The following ALPK1 variants were observed in gnomAD, a reference collection of about 807,000 sequenced individuals.
The protein encoded by ALPK1 is alpha kinase 1, also known as alpha-protein kinase 1.
A neutral mutation model predicts 120.6 loss-of-function variants in ALPK1; 110 were observed. The ratio of observed to expected loss-of-function variants is 0.91; its 90% CI spans 0.78 to 1.07. The LOEUF is 1.07. Ranked by LOEUF, ALPK1 falls within the 50% of genes least tolerant of loss-of-function variation. ALPK1 has a pLI of 0.00. For missense variants in ALPK1, 1,498 were observed against 1,483.9 expected (o/e 1.01, Z -0.16); for synonymous variants, 582 against 560.3 (o/e 1.04, Z -0.55).
chr4:112,331,721 G>A lies in ALPK1; in HGVS notation c.-101+15869G>A, dbSNP rs192585507. 7.2e-5 allele frequency among the ~76,000 whole-genome samples: 11 copies of A among 152,316 alleles called. No homozygotes were observed. The East Asian group carries it at 2.1e-3, about 29-fold the overall frequency. ...TGTATATGTGGGTCTAAGGAGATGTGGCATCACAGCAAGACTAGAAGGAGA... is the reference window on the plus strand; with the variant it reads ...TGTATATGTGGGTCTAAGGAGATGTAGCATCACAGCAAGACTAGAAGGAGA... On this transcript the variant is annotated intron_variant, in intron 2 of 15. Coordinates refer to ENST00000650871, the MANE Select transcript of ALPK1 (RefSeq NM_025144.4).
intron 3 of ALPK1, among the ~76,000 whole-genome samples, 159 bp downstream of exon 3, chr4:112,378,057 G>A (rs1731746929): frequency 6.6e-6 from 1 of 151,776 alleles, no homozygotes; most frequent in Admixed American, 6.6e-5. Flanking sequence ...GACATGGGCT[G>A]CGGGCGGACG....
intron 2 of ALPK1, among the ~76,000 whole-genome samples, chr4:112,340,730 T>G (rs766553976): frequency 1.5e-4 from 23 of 152,264 alleles, no homozygotes; most frequent in Non-Finnish European, 2.8e-4. Context: ...AAATGCTACA[T>G]CTTCATAATT....
intron 2 of ALPK1, among the ~76,000 whole-genome samples, chr4:112,347,986 G>T (rs932230538): frequency 2.6e-5 from 4 of 152,078 alleles, no homozygotes; most frequent in African/African-American, 9.7e-5. Flanking sequence ...GTCTCAGATC[G>T]CCATCCTCCT....
intron 4 of ALPK1, chr4:112,384,752 G>A (rs1016093452): frequency 6.6e-6 from 1 of 152,314 alleles, no homozygotes; most frequent in Non-Finnish European, 1.5e-5. Flanking sequence ...GGGAAGGGCA[G>A]AGAGACTGAA....
chr4:112,433,998 G>A (rs1734686192), intron 11 of ALPK1, among the ~76,000 whole-genome samples: 1 of 152,076 alleles, frequency 6.6e-6, no homozygotes, highest in Non-Finnish European at 1.5e-5. Flanking sequence ...TGTTTTGCCT[G>A]CCACCTTGAA....
chr4:112,413,915 T>C (rs754090211), intron 5 of ALPK1, among the ~76,000 whole-genome samples: 20 of 152,224 alleles, frequency 1.3e-4, no homozygotes, highest in Non-Finnish European at 2.4e-4. Flanking sequence ...TGGTTGGGAT[T>C]GTCTTTTCCT....
rs1731967057 is a variant in ALPK1 at position 112,382,482 on chromosome 4, A to G, written c.206A>G (p.Lys69Arg). The change falls in exon 4 of 16, where the codon AAA becomes AGA. Residue 69 changes from lysine (K) to arginine (R), a missense_variant. Coordinates refer to ENST00000650871, the MANE Select transcript of ALPK1 (RefSeq NM_025144.4). The part of the protein sequence containing the change: ...WPFVPEKWQY[K>R]QAVGPEDKTN... The stretch of plus-strand genomic sequence containing the variant: ...TTCGTGCCTGAAAAGTGGCAGTACA[A>G]ACAAGCCGTGGGCCCAGAGGACAAA... The G allele has an allele frequency of 6.2e-7, 1 of 1,613,982 alleles. No homozygotes were observed. Among genetic ancestry groups the G allele is most frequent in the South Asian group, 1.1e-5 (1 of 91,086 alleles).
intron 1 of ALPK1, among the ~76,000 whole-genome samples, chr4:112,311,015 G>T (rs909242980): frequency 6.6e-6 from 1 of 152,142 alleles, no homozygotes; most frequent in African/African-American, 2.4e-5. Flanking sequence ...ATCAGGGAAA[G>T]GTGACTTGCA....
intron 2 of ALPK1, among the ~76,000 whole-genome samples, chr4:112,349,958 G>GTCC (rs146856415): frequency 0.013 from 1,993 of 152,240 alleles, 51 homozygotes; most frequent in African/African-American, 0.045. Context: ...CTATTACAGT[G>GTCC]TCCTAGTAGC....
At chr4:112,356,669 A>C (rs77479920) in intron 2 of ALPK1, 2 of 931,172 alleles carry the variant, frequency 2.1e-6, no homozygotes, top group Non-Finnish European at 3.5e-6. Context: ...TGTAGAAGAG[A>C]AAAGCCTGGA....
At chr4:112,334,573 A>C (rs1729530163) in intron 2 of ALPK1, among the ~76,000 whole-genome samples, 1 of 152,162 alleles carries the variant, frequency 6.6e-6, no homozygotes, top group African/African-American at 2.4e-5. Flanking sequence ...TACTATGGGG[A>C]TATCAAATTT....
In ALPK1 at chr4:112,431,170, T is replaced by C. The variant is rs1391380467; in HGVS notation, c.1623T>C (p.His541=). 6.2e-7 allele frequency: 1 copy of C among 1,614,184 alleles called. No individual in the cohort carries two copies. Among genetic ancestry groups the C allele is most frequent in the Admixed American group, 1.7e-5 (1 of 60,028 alleles). Residue 541 remains histidine, a synonymous_variant, in exon 11 of 16, where the codon CAT becomes CAC. Coordinates refer to ENST00000650871, the MANE Select transcript of ALPK1 (RefSeq NM_025144.4). Reference sequence around the variant, plus strand: ...GGGGAGGAAGGAGAAACTGGACCCATTCTGATGCATTTCGAGTCTCCTTGG... The same window carrying C: ...GGGGAGGAAGGAGAAACTGGACCCACTCTGATGCATTTCGAGTCTCCTTGG... ...LRRGGRRNWT[H]SDAFRVSLDQ... is the part of the protein sequence containing the mutation.
chr4:112,356,464 C>A, intron 2 of ALPK1: 1 of 949,714 alleles, frequency 1.1e-6, no homozygotes. Flanking sequence ...ATCATTTACG[C>A]CTTTAGGACC....
chr4:112,397,626 A>G (rs1398723246), intron 4 of ALPK1, among the ~76,000 whole-genome samples: 1 of 152,212 alleles, frequency 6.6e-6, no homozygotes, highest in Non-Finnish European at 1.5e-5. Context: ...CTTTGATCAC[A>G]GAACTATGAC....
At chr4:112,436,861 A>G (rs1461391094) in intron 12 of ALPK1, among the ~76,000 whole-genome samples, 1 of 152,234 alleles carries the variant, frequency 6.6e-6, no homozygotes, top group Non-Finnish European at 1.5e-5. Flanking sequence ...AATTGAGAAT[A>G]AGAGACATAG....
chr4:112,435,613 T>A (rs1424184295), intron 12 of ALPK1, among the ~76,000 whole-genome samples: 2 of 135,686 alleles, frequency 1.5e-5, no homozygotes, highest in East Asian at 4.3e-4. Context: ...GAGCCTTCAA[T>A]ATTCACTAAA....
intron 2 of ALPK1, among the ~76,000 whole-genome samples, chr4:112,341,106 G>A (rs561345822): frequency 6.6e-6 from 1 of 152,194 alleles, no homozygotes; most frequent in East Asian, 1.9e-4. Flanking sequence ...GTTGGTCGGT[G>A]GTGTGTGTGT....
At chr4:112,412,086 C>T (rs752055236) in intron 5 of ALPK1, 61 bp downstream of exon 5, 68 of 1,595,120 alleles carry the variant, frequency 4.3e-5, no homozygotes, top group Middle Eastern at 1.8e-4. Context: ...CCTTCCCTCC[C>T]GAGCTACTTG....
intron 2 of ALPK1, among the ~76,000 whole-genome samples, chr4:112,362,212 C>G (rs752281295): frequency 1.8e-4 from 28 of 152,232 alleles, no homozygotes; most frequent in Non-Finnish European, 3.8e-4. Flanking sequence ...CACTAGCTCA[C>G]CAGCAATGGA....
Sources: allele counts gnomAD v4.1 joint callset (sites outside exome capture counted in the v4.1 genomes callset), GRCh38; gene constraint gnomAD v4.1.1; transcripts MANE v1.5; gene names NCBI Gene and HGNC (gene_info 2026-07-23, HGNC 2026-07-21).